Variants in FRMD4A observed in about 807,000 individuals in gnomAD.
The protein encoded by FRMD4A is FERM domain containing 4A, also known as FERM domain-containing protein 4A.
In FRMD4A, 29 loss-of-function variants were observed where a neutral mutation model predicts 129.1. The ratio of observed to expected loss-of-function variants is 0.22; its 90% CI spans 0.17 to 0.31. The LOEUF (loss-of-function observed/expected upper bound fraction) is 0.31, where lower values mean the gene tolerates loss of function less well. Ranked by LOEUF, FRMD4A falls within the 10% of genes least tolerant of loss-of-function variation. The pLI, the probability that FRMD4A is intolerant of heterozygous loss-of-function variation, is 1.00. For synonymous variants in FRMD4A, 634 were observed against 571.6 expected, an observed-to-expected ratio of 1.11 and a Z score of -1.56; for missense variants, 1,272 against 1,375.8, an observed-to-expected ratio of 0.92 and a Z score of 1.19.
At chr10:14,244,344 T>C (rs772120530) in intron 2 of FRMD4A, among the ~76,000 whole-genome samples, 2 of 152,162 alleles carry the variant, frequency 1.3e-5, no homozygotes, top group African/African-American at 4.8e-5. Context: ...TGGAACCCAG[T>C]GACTAGCGTC....
intron 2 of FRMD4A, among the ~76,000 whole-genome samples, chr10:14,174,122 A>G (rs1265171071): frequency 6.6e-6 from 1 of 151,806 alleles, no homozygotes. Context: ...ATCCCACATG[A>G]AAAGAGCCAT....
intron 2 of FRMD4A, among the ~76,000 whole-genome samples, chr10:13,965,891 G>A (rs2095482536): frequency 6.6e-6 from 1 of 152,340 alleles, no homozygotes; most frequent in South Asian, 2.1e-4. Context: ...GAGGATAATA[G>A]GGATGTTGGC....
chr10:13,990,488 T>A (rs1211515115), intron 2 of FRMD4A, among the ~76,000 whole-genome samples: 1 of 152,128 alleles, frequency 6.6e-6, no homozygotes, highest in Non-Finnish European at 1.5e-5. Context: ...TCTGGGAGTG[T>A]GCTAGGAAAT....
At chr10:13,998,194 C>G (rs781104300) in intron 2 of FRMD4A, among the ~76,000 whole-genome samples, 4 of 152,156 alleles carry the variant, frequency 2.6e-5, no homozygotes, top group Admixed American at 6.5e-5. Flanking sequence ...ATATAGTCCT[C>G]TAGCTTTAAA....
chr10:13,925,456 CA>C (rs1165660325), intron 2 of FRMD4A, among the ~76,000 whole-genome samples: 2 of 151,132 alleles, frequency 1.3e-5, no homozygotes, highest in African/African-American at 4.9e-5. Context: ...TTTAATTGCA[CA>C]AAAGGCAGCA....
chr10:13,833,876 G>T (rs1016108171), intron 3 of FRMD4A, among the ~76,000 whole-genome samples: 8 of 152,094 alleles, frequency 5.3e-5, no homozygotes, highest in African/African-American at 1.9e-4. Flanking sequence ...TGACCCAGAG[G>T]CAGGGTCTGG....
intron 6 of FRMD4A, among the ~76,000 whole-genome samples, chr10:13,765,524 A>G (rs1185278408): frequency 6.6e-6 from 1 of 152,192 alleles, no homozygotes; most frequent in Non-Finnish European, 1.5e-5. Flanking sequence ...GATATCTTTC[A>G]GGCTCCTTTG....
intron 2 of FRMD4A, among the ~76,000 whole-genome samples, chr10:14,174,816 A>G (rs1381429888): frequency 6.6e-6 from 1 of 151,906 alleles, no homozygotes; most frequent in South Asian, 2.1e-4. Flanking sequence ...GAAAGTTTCA[A>G]AAACAGATTT....
At chr10:14,085,990 A>G (rs544777885) in intron 2 of FRMD4A, among the ~76,000 whole-genome samples, 46 of 152,306 alleles carry the variant, frequency 3.0e-4, no homozygotes, top group African/African-American at 1.1e-3. Flanking sequence ...TACGAGCGCC[A>G]GTAAATATTT....
At chr10:14,126,546 A>G (rs111664886) in intron 2 of FRMD4A, among the ~76,000 whole-genome samples, 1 of 152,274 alleles carries the variant, frequency 6.6e-6, no homozygotes. Context: ...TACCTTGGCT[A>G]CACGATGACC....
chr10:14,185,292 G>A (rs1842051719), intron 2 of FRMD4A, among the ~76,000 whole-genome samples: 1 of 151,890 alleles, frequency 6.6e-6, no homozygotes, highest in South Asian at 2.1e-4. Context: ...AGAGATCCCA[G>A]CAGAAGGATG....
chr10:14,187,228 A>G (rs564825903), intron 2 of FRMD4A, among the ~76,000 whole-genome samples: 44 of 152,328 alleles, frequency 2.9e-4, no homozygotes, highest in South Asian at 2.7e-3. Flanking sequence ...TATAAAAGCA[A>G]TGATGTGATT....
Position 13,656,861 on chromosome 10 carries a change from C to G in FRMD4A, c.2728G>C (p.Gly910Arg). The change falls in exon 22 of 25, where the codon GGC becomes CGC. Residue 910 changes from glycine (G) to arginine (R), a missense_variant. Gly to Arg is a moderately radical substitution (Grantham distance 125). Transcript: ENST00000357447. ...RSQILRTPSL[G>R]REGAHDKGAG... ...CCCTTGTCGTGGGCGCCCTCGCGGC[C>G]CAGCGACGGAGTCCGCAGGATCTGC... 6.7e-7 allele frequency: 1 copy of G among 1,489,874 alleles called. No homozygotes were observed. The highest frequency in any genetic ancestry group is 8.9e-7 in the Non-Finnish European group (1 of 1,123,828). The allele number at this position is 1,489,874 out of a possible 1,614,324, so 92.3% of individuals were successfully genotyped here.
chr10:14,159,257 T>C (rs1349945398), intron 2 of FRMD4A, among the ~76,000 whole-genome samples: 1 of 152,208 alleles, frequency 6.6e-6, no homozygotes, highest in Non-Finnish European at 1.5e-5. Context: ...ACAATTATGA[T>C]TTGAGCCACA....
intron 15 of FRMD4A, among the ~76,000 whole-genome samples, chr10:13,687,411 T>C (rs1177794075): frequency 1.2e-4 from 19 of 152,218 alleles, no homozygotes; most frequent in African/African-American, 4.6e-4. Context: ...ATGGGCTGTG[T>C]GTCTTCACCT....
intron 2 of FRMD4A, chr10:14,003,421 C>A (rs2095649968): frequency 6.6e-6 from 1 of 152,232 alleles, no homozygotes; most frequent in Non-Finnish European, 1.5e-5. Flanking sequence ...ACAGTGATGT[C>A]CAGTCCAGCT....
chr10:14,321,588 G>A (rs1230146342), intron 2 of FRMD4A, among the ~76,000 whole-genome samples: 1 of 152,080 alleles, frequency 6.6e-6, no homozygotes, highest in Non-Finnish European at 1.5e-5. Flanking sequence ...GAGTAATGTG[G>A]TATATTAAAA....
chr10:13,766,293 C>G lies in FRMD4A; in HGVS notation c.385-3613G>C, dbSNP rs74482795. Among the ~76,000 whole-genome samples, 416 of 152,304 alleles carry G rather than the reference C, an allele frequency of 2.7e-3. 1 individual carries two copies. The highest frequency in any genetic ancestry group is 9.8e-3 in the African/African-American group (408 of 41,558). On this transcript the variant is annotated intron_variant, in intron 6 of 24. Coordinates refer to ENST00000357447, the MANE Select transcript of FRMD4A (RefSeq NM_018027.5). ...CAACTTCTCTCTCACCATAGTTGTT[C>G]TCGGGTTAAGTGAGAACTGGCACCT...
At chr10:14,318,800 A>C (rs1041694249) in intron 2 of FRMD4A, among the ~76,000 whole-genome samples, 3 of 152,204 alleles carry the variant, frequency 2.0e-5, no homozygotes, top group Admixed American at 6.5e-5. Context: ...ACATGTCCTG[A>C]ACCACATCGA....
Sources: allele counts gnomAD v4.1 joint callset (sites outside exome capture counted in the v4.1 genomes callset), GRCh38; gene constraint gnomAD v4.1.1; transcripts MANE v1.5; gene names NCBI Gene and HGNC (gene_info 2026-07-23, HGNC 2026-07-21).